DPH6: variants seen among roughly 807,000 people sequenced by gnomAD.
DPH6 encodes the protein diphthamine biosynthesis 6, also known as diphthine--ammonia ligase.
A neutral mutation model predicts 38.2 loss-of-function variants in DPH6; 33 were observed. That is an observed-to-expected ratio of 0.86 (90% confidence interval 0.65 to 1.15). The LOEUF (loss-of-function observed/expected upper bound fraction) is 1.15, where lower values mean the gene tolerates loss of function less well. DPH6 is among the 50% of genes most tolerant of loss of function. DPH6 has a pLI of 0.00. For synonymous variants in DPH6, 108 were observed against 103.0 expected (o/e 1.05, Z -0.30); for missense variants, 325 against 320.0 (o/e 1.02, Z -0.12).
At position 35,477,948 on chromosome 15, in the gene DPH6, C is replaced by A. The variant is rs186508983; in HGVS notation, c.313-23128G>T. Among the ~76,000 whole-genome samples the A allele has an allele frequency of 7.6e-4, 116 of 151,998 alleles. 1 individual carries two copies. The East Asian group carries it at 0.02, about 26-fold the overall frequency. On this transcript the variant is annotated intron_variant, in intron 3 of 8. Coordinates refer to ENST00000256538, the MANE Select transcript of DPH6 (RefSeq NM_080650.4). ...CCCAAGCTACTGCTCCTTAAGATAA[C>A]CCTCTCCCTATGGTCCTTCCGGTAA... is the stretch of plus-strand genomic sequence containing the variant.
At chr15:35,346,166 C>T (rs2052460147) in intron 3 of DPH6, among the ~76,000 whole-genome samples, 1 of 151,930 alleles carries the variant, frequency 6.6e-6, no homozygotes, top group East Asian at 1.9e-4. Flanking sequence ...GCTGGTTATA[C>T]TTAACAGAAT....
At chr15:35,354,752 T>C (rs551261705) in intron 3 of DPH6, among the ~76,000 whole-genome samples, 1 of 152,066 alleles carries the variant, frequency 6.6e-6, no homozygotes, top group African/African-American at 2.4e-5. Flanking sequence ...CTTTTTTTTG[T>C]TGTGTCTCTG....
chr15:35,480,403 A>C (rs1235474690), intron 3 of DPH6, among the ~76,000 whole-genome samples: 3 of 152,092 alleles, frequency 2.0e-5, no homozygotes. Context: ...AATTTCACCA[A>C]AACAAGCTTT....
At chr15:35,198,556 G>A in the DPH6 span, among the ~76,000 whole-genome samples, 7 of 152,156 alleles carry the variant, frequency 4.6e-5, no homozygotes, top group African/African-American at 1.7e-4. Context: ...TCTACTCTTC[G>A]AGTCAAGTGT....
intron 3 of DPH6, among the ~76,000 whole-genome samples, chr15:35,243,390 T>A (rs2051614271): frequency 7.0e-6 from 1 of 143,280 alleles, no homozygotes; most frequent in Non-Finnish European, 1.5e-5. Flanking sequence ...CTTATTAATA[T>A]AAGAAGGCAG....
At chr15:35,545,967 C>T in intron 1 of DPH6, 152 bp downstream of exon 1, 1 of 695,126 alleles carries the variant, frequency 1.4e-6, no homozygotes, top group Non-Finnish European at 2.0e-6. Context: ...CCGGCAACAG[C>T]GAAGGCTCCG....
At chr15:35,347,380 G>A (rs540963500) in intron 3 of DPH6, among the ~76,000 whole-genome samples, 14 of 151,794 alleles carry the variant, frequency 9.2e-5, no homozygotes, top group Admixed American at 2.0e-4. Context: ...TCAAACTCCC[G>A]GGTTTAAGTG....
chr15:35,495,925 T>C (rs916336393), intron 3 of DPH6, among the ~76,000 whole-genome samples: 1 of 152,212 alleles, frequency 6.6e-6, no homozygotes, highest in African/African-American at 2.4e-5. Context: ...ACTTGATTTA[T>C]GACAAAGATG....
chr15:35,285,802 A>G (rs1411201724), intron 3 of DPH6, among the ~76,000 whole-genome samples: 4 of 147,266 alleles, frequency 2.7e-5, no homozygotes, highest in Admixed American at 6.9e-5. Flanking sequence ...AGAAATATCT[A>G]GACTAGATTT....
chr15:35,151,652 G>A, the DPH6 span, among the ~76,000 whole-genome samples: 4 of 152,208 alleles, frequency 2.6e-5, no homozygotes, highest in Non-Finnish European at 4.4e-5. Context: ...GTGTGGCTGT[G>A]AGTTTAAGTG....
intron 3 of DPH6, among the ~76,000 whole-genome samples, chr15:35,461,975 C>T (rs2054072016): frequency 6.6e-6 from 1 of 152,156 alleles, no homozygotes; most frequent in African/African-American, 2.4e-5. Context: ...ATATCCATCC[C>T]ACACAGAAAT....
rs569182191 is a variant in DPH6, at chr15:35,236,362, G to C, written n.201-15780C>G. Among the ~76,000 whole-genome samples, 280 of 152,290 alleles carry C rather than the reference G, an allele frequency of 1.8e-3. 2 individuals carry two copies. Among genetic ancestry groups the C allele is most frequent in the African/African-American group, 6.5e-3 (269 of 41,556 alleles). ...GTTAGAAAACCTCAAGTGTTGGCTG[G>C]GCGCGGTGGCTCACGCCTGTAATCC... On this transcript the variant is annotated intron_variant and non_coding_transcript_variant, in intron 3 of 3. Coordinates refer to the DPH6 transcript ENST00000560386.
chr15:35,542,458 G>A lies in DPH6; in HGVS notation c.73C>T (p.His25Tyr). Reference sequence around the variant, plus strand: ...AGATTTGCTAAAGCAACGATCTGATGCCCAGCAGCAATGCACTGCATCATA... The same window carrying A: ...AGATTTGCTAAAGCAACGATCTGATACCCAGCAGCAATGCACTGCATCATA... The part of the protein sequence containing the change: ...YNMMQCIAAG[H>Y]QIVALANLRP... The change falls in exon 2 of 9, where the codon CAT (histidine) becomes TAT (tyrosine). Residue 25 changes from histidine (H) to tyrosine (Y), a missense_variant. Physicochemically the swap from His to Tyr is moderately conservative, Grantham distance 83 (BLOSUM62 2). Transcript: ENST00000256538. The A allele has an allele frequency of 1.3e-6, 2 of 1,580,608 alleles. No homozygotes were observed. Among genetic ancestry groups the A allele is most frequent in the Non-Finnish European group, 1.7e-6 (2 of 1,154,128 alleles).
rs60932950 is a variant in DPH6, at chr15:35,237,959, G to A, written n.201-17377C>T. ...GGAGGAGGATGAAAAAGGTTATAAC[G>A]ATGGAGAGGTTGATGATGAGGAAGA... is the stretch of plus-strand genomic sequence containing the variant. On this transcript the variant is annotated intron_variant and non_coding_transcript_variant, in intron 3 of 3. Transcript: ENST00000560386. The A allele has an allele frequency of 9.8e-3, 13,924 of 1,422,782 alleles. 725 individuals are homozygous for A. The East Asian group carries it at 0.17, about 18-fold the overall frequency. 88.1% of individuals were successfully genotyped at this position (1,422,782 alleles called of 1,614,324 possible). A position where few individuals can be genotyped will look rare whatever the true frequency, so the allele number is the denominator to read the frequency against.
chr15:35,464,307 A>T (rs2054101901), intron 3 of DPH6, among the ~76,000 whole-genome samples: 1 of 151,772 alleles, frequency 6.6e-6, no homozygotes, highest in African/African-American at 2.4e-5. Flanking sequence ...AAAAAAAAAA[A>T]TAAGGCAAAT....
chr15:35,263,096 C>CT (rs1317818220), intron 3 of DPH6, among the ~76,000 whole-genome samples: 3 of 152,110 alleles, frequency 2.0e-5, no homozygotes, highest in Non-Finnish European at 2.9e-5. Context: ...AGAGAAACCT[C>CT]TCAATGGATT....
intron 3 of DPH6, among the ~76,000 whole-genome samples, chr15:35,487,559 A>G (rs1300797135): frequency 1.3e-5 from 2 of 152,242 alleles, no homozygotes; most frequent in Non-Finnish European, 2.9e-5. Flanking sequence ...GCTGGGATGC[A>G]GGATGCCATG....
chr15:35,277,575 T>A lies in DPH6; in HGVS notation n.201-56993A>T, dbSNP rs1267542390. Among the ~76,000 whole-genome samples the A allele has an allele frequency of 2.6e-5, 4 of 151,686 alleles. No individual in the cohort carries two copies. The East Asian group carries it at 7.7e-4, about 29-fold the overall frequency. ...GGGTAACAGGCAGAAGTTGGAAGAGTCTGGAGGTCTGAGAAGAAGACAGAA... is the reference window on the plus strand; with the variant it reads ...GGGTAACAGGCAGAAGTTGGAAGAGACTGGAGGTCTGAGAAGAAGACAGAA... On this transcript the variant is annotated intron_variant and non_coding_transcript_variant, in intron 3 of 3. Transcript: ENST00000560386.
In DPH6 at chr15:35,243,054, A is replaced by C. The variant is rs1478398556; in HGVS notation, n.201-22472T>G. 3.5e-5 allele frequency among the ~76,000 whole-genome samples: 5 copies of C among 142,422 alleles called. 1 individual carries two copies. Among genetic ancestry groups the C allele is most frequent in the Non-Finnish European group, 7.7e-5 (5 of 65,230 alleles). 93.4% of individuals were successfully genotyped at this position (142,422 alleles called of 152,430 possible). ...GCTGAACCTCCGTAGGCACTCTCTA[A>C]TTAGATGTCCTAGGTCCTCCCAATT... On this transcript the variant is annotated intron_variant and non_coding_transcript_variant, in intron 3 of 3. Transcript: ENST00000560386.
Sources: allele counts gnomAD v4.1 joint callset (sites outside exome capture counted in the v4.1 genomes callset), GRCh38; gene constraint gnomAD v4.1.1; transcripts MANE v1.5; gene names NCBI Gene and HGNC (gene_info 2026-07-23, HGNC 2026-07-21).